Variants in KCNB2 observed in about 807,000 individuals in gnomAD.
KCNB2 encodes the protein delayed rectifier potassium channel protein.
In KCNB2, 15 loss-of-function variants were observed where a neutral mutation model predicts 61.5. The ratio of observed to expected loss-of-function variants is 0.24; its 90% CI spans 0.16 to 0.38. KCNB2 has a LOEUF of 0.38. Ranked by LOEUF, KCNB2 falls within the 10% of genes least tolerant of loss-of-function variation. KCNB2 has a pLI of 1.00. For synonymous variants in KCNB2, 457 were observed against 446.0 expected, an observed-to-expected ratio of 1.02 and a Z score of -0.31; for missense variants, 828 against 1,125.2, an observed-to-expected ratio of 0.74 and a Z score of 3.78.
chr8:72,814,518 G>A lies in KCNB2; in HGVS notation c.580-121417G>A, dbSNP rs192867958. Among the ~76,000 whole-genome samples, 34 of 152,024 alleles carry A rather than the reference G, an allele frequency of 2.2e-4. No individual in the cohort carries two copies. The East Asian group carries it at 4.1e-3, about 18-fold the overall frequency. On this transcript the variant is annotated intron_variant, in intron 2 of 2. Coordinates refer to ENST00000523207, the MANE Select transcript of KCNB2 (RefSeq NM_004770.3). ...GTATTTGTTGATTCCCATCTTTATC[G>A]TTTTAGCCATGCTGTGCAATCCACA...
intron 2 of KCNB2, among the ~76,000 whole-genome samples, chr8:72,683,118 A>G (rs910066560): frequency 1.3e-5 from 2 of 152,228 alleles, no homozygotes; most frequent in African/African-American, 2.4e-5. Context: ...TCCTGGCATA[A>G]TGAAAGAACT....
intron 2 of KCNB2, among the ~76,000 whole-genome samples, chr8:72,669,041 A>G (rs540100468): frequency 1.3e-4 from 20 of 152,272 alleles, no homozygotes; most frequent in Non-Finnish European, 2.9e-5. Flanking sequence ...TCTGTCTGCT[A>G]TATCTGTAAC....
intron 2 of KCNB2, among the ~76,000 whole-genome samples, chr8:72,851,825 G>GTAAAAAA (rs1380314669): frequency 6.5e-5 from 1 of 15,324 alleles, no homozygotes; most frequent in Non-Finnish European, 1.4e-4. Flanking sequence ...AGAAGCTGTA[G>GTAAAAAA]GAAAAAAAAA....
chr8:72,751,313 A>G (rs1165095474), intron 2 of KCNB2: 4 of 152,280 alleles, frequency 2.6e-5, no homozygotes, highest in South Asian at 4.1e-4. Context: ...CTCTGTATAC[A>G]TTATCCTATT....
chr8:72,897,197 G>A (rs1806006306), intron 2 of KCNB2, among the ~76,000 whole-genome samples: 1 of 151,834 alleles, frequency 6.6e-6, no homozygotes, highest in African/African-American at 2.4e-5. Flanking sequence ...AGAATATAGT[G>A]GCCACCCTAA....
At chr8:72,674,234 A>C (rs145575008) in intron 2 of KCNB2, among the ~76,000 whole-genome samples, 22 of 152,354 alleles carry the variant, frequency 1.4e-4, no homozygotes, top group Non-Finnish European at 2.5e-4. Flanking sequence ...GTAAATGGTG[A>C]TGATAATATC....
At chr8:72,584,174 C>T (rs1177127573) in intron 2 of KCNB2, among the ~76,000 whole-genome samples, 1 of 151,562 alleles carries the variant, frequency 6.6e-6, no homozygotes, top group Non-Finnish European at 1.5e-5. Context: ...CAGGCACAGA[C>T]AGATCTAGAT....
intron 2 of KCNB2, among the ~76,000 whole-genome samples, chr8:72,714,222 T>C (rs149556234): frequency 8.5e-5 from 13 of 152,302 alleles, no homozygotes; most frequent in Middle Eastern, 3.4e-3. Context: ...TGAAACCAAC[T>C]TGGAAAACAC....
chr8:72,763,401 A>G (rs1053239963), intron 2 of KCNB2, among the ~76,000 whole-genome samples: 2 of 152,064 alleles, frequency 1.3e-5, no homozygotes, highest in Non-Finnish European at 2.9e-5. Context: ...ATTTTTTGCT[A>G]TCTCTGGCTA....
chr8:72,575,519 A>T (rs1806782272), intron 2 of KCNB2, among the ~76,000 whole-genome samples: 1 of 152,068 alleles, frequency 6.6e-6, no homozygotes, highest in African/African-American at 2.4e-5. Flanking sequence ...AACCTATAGG[A>T]TTGTTTGTTA....
At chr8:72,570,117 TA>T (rs555188588) in intron 2 of KCNB2, among the ~76,000 whole-genome samples, 83 of 152,196 alleles carry the variant, frequency 5.5e-4, no homozygotes, top group South Asian at 8.3e-4. Context: ...TCTTAATCTC[TA>T]AGAGGGTAAC....
At chr8:72,628,982 A>G (rs1020258972) in intron 2 of KCNB2, among the ~76,000 whole-genome samples, 1 of 152,230 alleles carries the variant, frequency 6.6e-6, no homozygotes, top group African/African-American at 2.4e-5. Context: ...CGTACTTAAC[A>G]TTTTAGGCAC....
At chr8:72,803,026 C>T (rs1339008138) in intron 2 of KCNB2, among the ~76,000 whole-genome samples, 11 of 152,232 alleles carry the variant, frequency 7.2e-5, no homozygotes. Context: ...AGTTGTGCGA[C>T]CTAGAAAAAT....
At chr8:72,886,468 A>G (rs1306809313) in intron 2 of KCNB2, among the ~76,000 whole-genome samples, 2 of 152,244 alleles carry the variant, frequency 1.3e-5, no homozygotes, top group Non-Finnish European at 2.9e-5. Context: ...CTACTTAGAA[A>G]GATTTCCTCT....
chr8:72,862,118 C>G (rs1805427192), intron 2 of KCNB2, among the ~76,000 whole-genome samples: 1 of 152,090 alleles, frequency 6.6e-6, no homozygotes, highest in Admixed American at 6.6e-5. Flanking sequence ...ATGGACAGAG[C>G]AAGACTGTCT....
chr8:72,603,230 T>C (rs1029120353), intron 2 of KCNB2, among the ~76,000 whole-genome samples: 21 of 152,200 alleles, frequency 1.4e-4, no homozygotes, highest in African/African-American at 5.1e-4. Flanking sequence ...AGCCTTAGCC[T>C]GGCACACAAG....
chr8:72,883,374 G>A (rs1681301125), intron 2 of KCNB2, among the ~76,000 whole-genome samples: 1 of 152,220 alleles, frequency 6.6e-6, no homozygotes, highest in African/African-American at 2.4e-5. Flanking sequence ...GACCTGGCTG[G>A]AAGGATGGTC....
chr8:72,616,342 A>G (rs1265132877), intron 2 of KCNB2, among the ~76,000 whole-genome samples: 1 of 152,262 alleles, frequency 6.6e-6, no homozygotes, highest in Non-Finnish European at 1.5e-5. Flanking sequence ...AGTGGAAGCT[A>G]ACAACAAAAC....
intron 2 of KCNB2, among the ~76,000 whole-genome samples, chr8:72,886,860 C>A (rs181308730): frequency 6.6e-6 from 1 of 152,166 alleles, no homozygotes; most frequent in Non-Finnish European, 1.5e-5. Context: ...TGAAGAGAGA[C>A]GAAAGAATAA....
Sources: gnomAD v4.1 joint callset for allele counts (sites outside exome capture counted in the v4.1 genomes callset) on GRCh38, gnomAD v4.1.1 for gene constraint, MANE v1.5 for transcripts, NCBI Gene and HGNC (gene_info 2026-07-23, HGNC 2026-07-21) for gene names.